Variants in VOPP1 observed in about 807,000 individuals in gnomAD.
The protein encoded by VOPP1 is VOPP1 WW domain binding protein, also known as WW domain binding protein VOPP1.
Under a neutral mutation model 23.5 loss-of-function variants are expected in VOPP1, and 8 were observed. The observed-to-expected ratio is 0.34, with a 90% CI of 0.20 to 0.61. The LOEUF (loss-of-function observed/expected upper bound fraction) is 0.61, where lower values mean the gene tolerates loss of function less well. VOPP1 is among the 20% of genes least tolerant of loss of function. The pLI, the probability that VOPP1 is intolerant of heterozygous loss-of-function variation, is 0.78. For missense variants in VOPP1, 174 were observed against 238.1 expected, an observed-to-expected ratio of 0.73 and a Z score of 1.77; for synonymous variants, 83 against 97.3, an observed-to-expected ratio of 0.85 and a Z score of 0.86.
intron 2 of VOPP1, among the ~76,000 whole-genome samples, chr7:55,507,758 G>A (rs555218940): frequency 2.0e-5 from 3 of 152,270 alleles, no homozygotes; most frequent in Non-Finnish European, 2.9e-5. Flanking sequence ...TTTCCCTGAC[G>A]GGCAGGGAGG....
At chr7:55,437,245 T>TC (rs1428308046) in intron 4 of VOPP1, among the ~76,000 whole-genome samples, 1 of 151,636 alleles carries the variant, frequency 6.6e-6, no homozygotes, top group Non-Finnish European at 1.5e-5. Flanking sequence ...TCCCGAGGAG[T>TC]CCCCACGGAG....
At chr7:55,495,816 T>C (rs117482629) in intron 3 of VOPP1, among the ~76,000 whole-genome samples, 1 of 152,350 alleles carries the variant, frequency 6.6e-6, no homozygotes, top group Non-Finnish European at 1.5e-5. Flanking sequence ...AGGTGCTCCC[T>C]GGCTACAACG....
chr7:55,537,537 C>T (rs1016763721), intron 1 of VOPP1: 11 of 1,536,026 alleles, frequency 7.2e-6, no homozygotes, highest in South Asian at 3.6e-5. Flanking sequence ...TTCTGTTAGG[C>T]GCAAGGATGC....
At chr7:55,545,937 C>T (rs1797348361) in intron 1 of VOPP1, among the ~76,000 whole-genome samples, 2 of 152,084 alleles carry the variant, frequency 1.3e-5, no homozygotes, top group Admixed American at 1.3e-4. Flanking sequence ...CATGGTGGCA[C>T]ATGCCTGTAA....
chr7:55,524,868 C>A (rs963609393), intron 1 of VOPP1, among the ~76,000 whole-genome samples: 2 of 152,138 alleles, frequency 1.3e-5, no homozygotes, highest in Non-Finnish European at 2.9e-5. Context: ...CAAGTCCAAG[C>A]TCCAAATCCA....
At chr7:55,491,659 G>C (rs767254781) in intron 4 of VOPP1, among the ~76,000 whole-genome samples, 9 of 152,212 alleles carry the variant, frequency 5.9e-5, no homozygotes, top group Non-Finnish European at 1.3e-4. Context: ...AGATGGCTAA[G>C]GCAATGTTTT....
At chr7:55,525,016 C>A (rs866097035) in intron 1 of VOPP1, among the ~76,000 whole-genome samples, 5 of 152,002 alleles carry the variant, frequency 3.3e-5, no homozygotes, top group Non-Finnish European at 7.4e-5. Flanking sequence ...CACAAGCAAG[C>A]GGGAAGAGGC....
intron 1 of VOPP1, chr7:55,537,556 C>T (rs771907900): frequency 2.1e-4 from 316 of 1,535,866 alleles, no homozygotes; most frequent in Non-Finnish European, 2.6e-4. Flanking sequence ...GCAGGCAGCG[C>T]ACCTCCTCGC....
At chr7:55,461,148 C>A (rs1791490307) in intron 4 of VOPP1, among the ~76,000 whole-genome samples, 2 of 152,184 alleles carry the variant, frequency 1.3e-5, no homozygotes, top group African/African-American at 4.8e-5. Flanking sequence ...GAAAACCAAA[C>A]ACCATATGTT....
At chr7:55,499,357 T>G (rs1044714308) in intron 2 of VOPP1, among the ~76,000 whole-genome samples, 1 of 152,144 alleles carries the variant, frequency 6.6e-6, no homozygotes, top group Non-Finnish European at 1.5e-5. Context: ...GGAACTGAGG[T>G]AGAAGAACTG....
chr7:55,506,403 T>C (rs1328498820), intron 2 of VOPP1, among the ~76,000 whole-genome samples: 1 of 152,218 alleles, frequency 6.6e-6, no homozygotes, highest in Non-Finnish European at 1.5e-5. Flanking sequence ...TGGCACGATC[T>C]CGGCTCACTG....
intron 2 of VOPP1, among the ~76,000 whole-genome samples, chr7:55,498,206 G>A (rs1156823892): frequency 2.0e-5 from 3 of 152,260 alleles, no homozygotes; most frequent in African/African-American, 4.8e-5. Context: ...GACTTCTGGC[G>A]AGTCTCAGTT....
intron 1 of VOPP1, among the ~76,000 whole-genome samples, chr7:55,561,214 A>C (rs1797973970): frequency 6.6e-6 from 1 of 151,906 alleles, no homozygotes; most frequent in Non-Finnish European, 1.5e-5. Flanking sequence ...CTGACATCCC[A>C]CCCAGGTCAC....
At chr7:55,558,738 C>A (rs1797889627) in intron 1 of VOPP1, among the ~76,000 whole-genome samples, 1 of 152,162 alleles carries the variant, frequency 6.6e-6, no homozygotes. Flanking sequence ...ACCCAAAAGA[C>A]AGAGTAAAAA....
intron 2 of VOPP1, among the ~76,000 whole-genome samples, chr7:55,503,785 C>A (rs1794529484): frequency 6.6e-6 from 1 of 152,224 alleles, no homozygotes; most frequent in African/African-American, 2.4e-5. Context: ...GAACCACGGA[C>A]AGAGCCCTCA....
intron 1 of VOPP1, among the ~76,000 whole-genome samples, chr7:55,570,315 AATC>A (rs1310931425): frequency 2.6e-5 from 4 of 152,228 alleles, no homozygotes; most frequent in African/African-American, 7.2e-5. Context: ...TACTTAGGAT[AATC>A]ATCATGTCAA....
At position 55,471,064 on chromosome 7, in the gene VOPP1, C is replaced by CT; in HGVS notation, c.*1790dup. 6.6e-6 allele frequency: 1 copy of CT among 151,042 alleles called. No homozygotes were observed. Among genetic ancestry groups the CT allele is most frequent in the African/African-American group, 2.4e-5 (1 of 41,030 alleles). The allele number at this position is 151,042 out of a possible 1,614,324, so 9.4% of individuals were successfully genotyped here. ...CAGCTGCACCCGATTCCAGGGGCAG[C>CT]TTAGTGTGCTTTTTCATTACAAAAA... is the stretch of plus-strand genomic sequence containing the variant. On this transcript the variant is annotated 3_prime_UTR_variant, in exon 5 of 5. Transcript: ENST00000285279.
downstream of VOPP1, among the ~76,000 whole-genome samples, chr7:55,469,548 C>T (rs1791721884): frequency 6.6e-6 from 1 of 152,194 alleles, no homozygotes; most frequent in Non-Finnish European, 1.5e-5. Context: ...CGGCGCCCTG[C>T]CTGAGAACAG....
intron 1 of VOPP1, among the ~76,000 whole-genome samples, chr7:55,559,290 T>C (rs1320363756): frequency 2.0e-5 from 3 of 152,216 alleles, no homozygotes; most frequent in Non-Finnish European, 4.4e-5. Context: ...CACTAGGTCA[T>C]GCTGACACTC....
Sources: allele counts gnomAD v4.1 joint callset (sites outside exome capture counted in the v4.1 genomes callset), GRCh38; gene constraint gnomAD v4.1.1; transcripts MANE v1.5; gene names NCBI Gene and HGNC (gene_info 2026-07-23, HGNC 2026-07-21).